RUNX1T1: variants seen among roughly 807,000 people sequenced by gnomAD.
The protein encoded by RUNX1T1 is RUNX1 partner transcriptional co-repressor 1.
RUNX1T1 carries 4 observed loss-of-function variants against 62.8 expected under a neutral mutation model. The observed-to-expected ratio is 0.06, with a 90% CI of 0.03 to 0.15. RUNX1T1 has a LOEUF of 0.15. Ranked by LOEUF, RUNX1T1 falls within the 10% of genes least tolerant of loss-of-function variation. RUNX1T1 has a pLI of 1.00. For synonymous variants in RUNX1T1, 291 were observed against 286.0 expected, an observed-to-expected ratio of 1.02 and a Z score of -0.18; for missense variants, 508 against 754.3, an observed-to-expected ratio of 0.67 and a Z score of 3.82.
chr8:91,962,097 G>A (rs966493983), intron 10 of RUNX1T1, among the ~76,000 whole-genome samples: 6 of 152,192 alleles, frequency 3.9e-5, no homozygotes, highest in African/African-American at 7.2e-5. Flanking sequence ...ATTTTTAGCA[G>A]CCATCCTAAC....
chr8:92,064,573 T>C (rs955657140), upstream of RUNX1T1, among the ~76,000 whole-genome samples: 4 of 152,218 alleles, frequency 2.6e-5, no homozygotes, highest in Non-Finnish European at 5.9e-5. Context: ...GACTTTCATT[T>C]TTAAAGAGAG....
At chr8:92,058,931 C>T (rs886472245) in intron 1 of RUNX1T1, among the ~76,000 whole-genome samples, 1 of 152,060 alleles carries the variant, frequency 6.6e-6, no homozygotes, top group Non-Finnish European at 1.5e-5. Flanking sequence ...AAAGATTAAA[C>T]AATTATCATT....
At chr8:92,050,963 C>G (rs1047391247) in intron 1 of RUNX1T1, among the ~76,000 whole-genome samples, 5 of 152,150 alleles carry the variant, frequency 3.3e-5, no homozygotes, top group African/African-American at 1.2e-4. Flanking sequence ...ACTAAATCTT[C>G]CCATCACTCA....
intron 4 of RUNX1T1, among the ~76,000 whole-genome samples, chr8:92,007,142 C>G (rs1820942775): frequency 6.6e-6 from 1 of 152,158 alleles, no homozygotes; most frequent in African/African-American, 2.4e-5. Flanking sequence ...AATAACATTT[C>G]TATGTGAACA....
At chr8:92,003,240 A>T (rs1009107273) in intron 5 of RUNX1T1, 1 of 414,902 alleles carries the variant, frequency 2.4e-6, no homozygotes, top group African/African-American at 2.0e-5. Context: ...AAGAATGCTG[A>T]GCCTCTGTGG....
intron 2 of RUNX1T1, among the ~76,000 whole-genome samples, chr8:92,070,767 A>T (rs1213621524): frequency 6.6e-6 from 1 of 152,192 alleles, no homozygotes; most frequent in Non-Finnish European, 1.5e-5. Context: ...CATGCCCATA[A>T]CTCCTATTAA....
chr8:91,979,606 CGG>C (rs1814749662), intron 8 of RUNX1T1, among the ~76,000 whole-genome samples: 1 of 148,704 alleles, frequency 6.7e-6, no homozygotes, highest in African/African-American at 2.5e-5. Context: ...TTGCTTGGGG[CGG>C]GGGGTGGTGG....
chr8:91,956,841 T>C (rs2130340908), downstream of RUNX1T1: 2 of 217,592 alleles, frequency 9.2e-6, no homozygotes, highest in South Asian at 3.7e-4. Flanking sequence ...TCCAATTTTT[T>C]TTCTGTCCCT....
At chr8:91,986,282 G>T (rs778962647) in exon 8 of RUNX1T1, 1 of 1,613,990 alleles carries the variant, frequency 6.2e-7, no homozygotes, top group Admixed American at 1.7e-5. Flanking sequence ...TACGGTGAGA[G>T]ATCGCCTTGT....
upstream of RUNX1T1, among the ~76,000 whole-genome samples, chr8:92,100,125 G>C (rs769223832): frequency 2.0e-5 from 3 of 152,108 alleles, no homozygotes; most frequent in Non-Finnish European, 4.4e-5. Flanking sequence ...GCAATGTATT[G>C]TATTGCACAT....
At chr8:91,978,692 C>G (rs1049768942) in intron 8 of RUNX1T1, among the ~76,000 whole-genome samples, 1 of 152,154 alleles carries the variant, frequency 6.6e-6, no homozygotes, top group African/African-American at 2.4e-5. Flanking sequence ...ATGACACTTT[C>G]AAAAATTTTA....
At chr8:92,095,940 C>G (rs1461100837) in intron 1 of RUNX1T1, among the ~76,000 whole-genome samples, 3 of 152,308 alleles carry the variant, frequency 2.0e-5, no homozygotes, top group African/African-American at 7.2e-5. Context: ...AGGAGACAGT[C>G]GCCATCTCAC....
intron 2 of RUNX1T1, among the ~76,000 whole-genome samples, chr8:92,074,476 A>G (rs1304448432): frequency 6.6e-6 from 1 of 152,142 alleles, no homozygotes; most frequent in Non-Finnish European, 1.5e-5. Flanking sequence ...ATTAATACAA[A>G]CTCCACGCAG....
At chr8:92,019,036 C>CTT (rs1823567279) in intron 1 of RUNX1T1, 1 of 152,122 alleles carries the variant, frequency 6.6e-6, no homozygotes, top group African/African-American at 2.4e-5. Flanking sequence ...ATTGCTACAA[C>CTT]CAGTAAGTCA....
chr8:92,044,889 A>G (rs1445357792), intron 1 of RUNX1T1, among the ~76,000 whole-genome samples: 1 of 152,202 alleles, frequency 6.6e-6, no homozygotes, highest in Admixed American at 6.6e-5. Flanking sequence ...AAGGATACTC[A>G]GGAGTCAATT....
chr8:91,984,380 G>C (rs1299317349), intron 8 of RUNX1T1, among the ~76,000 whole-genome samples: 1 of 152,118 alleles, frequency 6.6e-6, no homozygotes, highest in Non-Finnish European at 1.5e-5. Context: ...TTCTTTTATA[G>C]TGGATGGCAG....
intron 1 of RUNX1T1, among the ~76,000 whole-genome samples, chr8:92,056,360 CCTAG>C (rs1220566750): frequency 2.0e-5 from 3 of 152,184 alleles, no homozygotes; most frequent in Non-Finnish European, 4.4e-5. Context: ...AAGCATTTCA[CCTAG>C]CTGATTATAT....
At chr8:92,005,289 C>T in exon 5 of RUNX1T1, 3 of 1,611,032 alleles carry the variant, frequency 1.9e-6, no homozygotes, top group Non-Finnish European at 2.5e-6. Context: ...GCAGCAGGGG[C>T]AAGTTGGCCT....
intron 3 of RUNX1T1, among the ~76,000 whole-genome samples, chr8:92,012,941 T>A (rs958522021): frequency 4.3e-4 from 65 of 152,154 alleles, no homozygotes; most frequent in African/African-American, 1.5e-3. Context: ...ATATATTTTT[T>A]AAAAGTATTT....
Sources: gnomAD v4.1 joint callset for allele counts (sites outside exome capture counted in the v4.1 genomes callset) on GRCh38, gnomAD v4.1.1 for gene constraint, MANE v1.5 for transcripts, NCBI Gene and HGNC (gene_info 2026-07-23, HGNC 2026-07-21) for gene names.